Variants in FBXL18 observed in about 807,000 individuals in gnomAD.
FBXL18 encodes the protein F-box and leucine rich repeat protein 18.
Under a neutral mutation model 46.0 loss-of-function variants are expected in FBXL18, and 36 were observed. The ratio of observed to expected loss-of-function variants is 0.78; its 90% CI spans 0.60 to 1.03. The LOEUF (loss-of-function observed/expected upper bound fraction) is 1.03. Ranked by LOEUF, FBXL18 falls within the 50% of genes least tolerant of loss-of-function variation. FBXL18 has a pLI of 0.00. For missense variants in FBXL18, 977 were observed against 1,004.1 expected (o/e 0.97, Z 0.36); for synonymous variants, 557 against 465.3 (o/e 1.20, Z -2.54).
At chr7:5,475,705 C>G (rs996430726), downstream of FBXL18, 1 of 152,332 alleles carries the variant, frequency 6.6e-6, no homozygotes, top group African/African-American at 2.4e-5. The surrounding 1 kb of genome is among the most constrained non-coding windows in gnomAD (Gnocchi z 4.2). Flanking sequence ...CCCCAACCAT[C>G]GGAAGTGAAC....
Position 5,505,595 on chromosome 7 carries a change from T to C in FBXL18, c.54A>G (p.Ala18=). Residue 18 remains alanine (A), a synonymous_variant, in exon 2 of 5, where the codon GCA becomes GCG. Coordinates refer to ENST00000382368, the MANE Select transcript of FBXL18 (RefSeq NM_024963.6). Reference sequence around the variant, plus strand: ...GGACCCCGTCTGCCATCCCGGCTGCTGCAGGGTGCATGTCATCATCATCAT... The same window carrying C: ...GGACCCCGTCTGCCATCCCGGCTGCCGCAGGGTGCATGTCATCATCATCAT... The part of the protein sequence containing the change: ...ISNDDDDMHP[A]AAGMADGVHL... The C allele has an allele frequency of 6.2e-7, 1 of 1,614,008 alleles. No individual in the cohort carries two copies.
At chr7:5,511,126 A>T (rs1370370684) in intron 1 of FBXL18, among the ~76,000 whole-genome samples, 1 of 152,166 alleles carries the variant, frequency 6.6e-6, no homozygotes, top group East Asian at 1.9e-4. Context: ...TTTTTTCAAA[A>T]GTGAAGCAAA....
At chr7:5,502,875 C>G (rs1055862847) in intron 2 of FBXL18, among the ~76,000 whole-genome samples, 1 of 150,264 alleles carries the variant, frequency 6.7e-6, no homozygotes, top group African/African-American at 2.4e-5. Flanking sequence ...CCTCAAAAAG[C>G]TAAACATAGG....
chr7:5,499,219 G>T lies in FBXL18; in HGVS notation c.1781+1269C>A, dbSNP rs578081852. 4.0e-4 allele frequency among the ~76,000 whole-genome samples: 61 copies of T among 152,264 alleles called. No individual in the cohort carries two copies. In the Middle Eastern group the frequency reaches 0.014, roughly 34 times the overall value. On this transcript the variant is annotated intron_variant, in intron 3 of 4. Transcript: ENST00000382368. ...CTGTGCCCTGAAGTCCATCTGGGAT[G>T]CCCAGGGAGGCTGCTCCCTCTCCCG...
At chr7:5,486,813 G>A (rs1226796758) in intron 4 of FBXL18, among the ~76,000 whole-genome samples, 1 of 152,188 alleles carries the variant, frequency 6.6e-6, no homozygotes, top group African/African-American at 2.4e-5. Context: ...GACACCGGCC[G>A]GCCCTGCAGG....
At chr7:5,504,297 G>A (rs1279618038) in intron 2 of FBXL18, among the ~76,000 whole-genome samples, 3 of 151,662 alleles carry the variant, frequency 2.0e-5, no homozygotes, top group Non-Finnish European at 4.4e-5. Flanking sequence ...GGGCATGGTG[G>A]TGGGCACCTG....
chr7:5,510,931 A>C (rs1195437502), intron 1 of FBXL18, among the ~76,000 whole-genome samples: 1 of 152,162 alleles, frequency 6.6e-6, no homozygotes, highest in African/African-American at 2.4e-5. Flanking sequence ...CACCGGCTAT[A>C]ATGACAACTT....
rs1405085087 is a variant in FBXL18 at position 5,455,283 on chromosome 7, G to A, written c.2001-7440C>T. 2.6e-5 allele frequency among the ~76,000 whole-genome samples: 4 copies of A among 151,986 alleles called. No individual in the cohort carries two copies. The highest frequency in any genetic ancestry group is 4.2e-4 in the South Asian group (2 of 4,814). Reference sequence around the variant, plus strand: ...CTGGGGAGCAGTATCGGGAGCACCTGCAGGGAGTATTCTCGGGCATATGCT... The same window carrying A: ...CTGGGGAGCAGTATCGGGAGCACCTACAGGGAGTATTCTCGGGCATATGCT... On this transcript the variant is annotated intron_variant and NMD_transcript_variant, in intron 4 of 6. Transcript: ENST00000415009. This position sits in a 1 kb window ranked among gnomAD's most constrained non-coding sequence, Gnocchi z 4.6.
downstream of FBXL18, among the ~76,000 whole-genome samples, chr7:5,472,710 A>C (rs1783446600): frequency 6.6e-6 from 1 of 151,958 alleles, no homozygotes; most frequent in Non-Finnish European, 1.5e-5. Flanking sequence ...CTTCCAGGAG[A>C]CTTCAGTCCC....
At chr7:5,494,090 T>C (rs1039431262) in intron 3 of FBXL18, among the ~76,000 whole-genome samples, 34 of 151,812 alleles carry the variant, frequency 2.2e-4, no homozygotes, top group African/African-American at 8.2e-4. Context: ...CTGACCAACA[T>C]GGAAAAACCC....
At position 5,480,119 on chromosome 7, in the gene FBXL18, T is replaced by C. The variant is rs1016253917; in HGVS notation, c.*1656A>G. Reference sequence around the variant, plus strand: ...CCCCACTCAGGGGCAGGGCCGGTGATTGGAGGCCTGGGGATGGTGTACCCC... The same window carrying C: ...CCCCACTCAGGGGCAGGGCCGGTGACTGGAGGCCTGGGGATGGTGTACCCC... On this transcript the variant is annotated 3_prime_UTR_variant, in exon 5 of 5. Transcript: ENST00000382368. 9.9e-5 allele frequency among the ~76,000 whole-genome samples: 15 copies of C among 151,998 alleles called. No homozygotes were observed. The highest frequency in any genetic ancestry group is 2.2e-4 in the African/African-American group (9 of 41,390).
At chr7:5,461,121 C>T (rs528085986) in intron 4 of FBXL18, among the ~76,000 whole-genome samples, 20 of 152,216 alleles carry the variant, frequency 1.3e-4, no homozygotes, top group African/African-American at 3.9e-4. Flanking sequence ...CCTGCACTCT[C>T]GGGGTGGCAG....
chr7:5,506,353 G>A (rs968005086), intron 1 of FBXL18, among the ~76,000 whole-genome samples: 1 of 151,276 alleles, frequency 6.6e-6, no homozygotes, highest in Non-Finnish European at 1.5e-5. Context: ...GGTTGAAGCA[G>A]TTCTCCTGGC....
At chr7:5,490,920 C>A (rs1783904886) in intron 4 of FBXL18, among the ~76,000 whole-genome samples, 2 of 152,214 alleles carry the variant, frequency 1.3e-5, no homozygotes, top group African/African-American at 4.8e-5. Flanking sequence ...GATTTCGCCA[C>A]TACACTCCAG....
At chr7:5,494,719 A>G (rs1784027227) in intron 3 of FBXL18, among the ~76,000 whole-genome samples, 1 of 152,196 alleles carries the variant, frequency 6.6e-6, no homozygotes, top group Non-Finnish European at 1.5e-5. Flanking sequence ...TCTCCAAAGC[A>G]AAAGCAGGAG....
chr7:5,472,668 A>T (rs1783446049), downstream of FBXL18, among the ~76,000 whole-genome samples: 1 of 152,164 alleles, frequency 6.6e-6, no homozygotes, highest in Non-Finnish European at 1.5e-5. Context: ...GGTCAACACC[A>T]GCATTGACCA....
intron 4 of FBXL18, among the ~76,000 whole-genome samples, chr7:5,488,076 A>G (rs1434571514): frequency 6.6e-6 from 1 of 152,236 alleles, no homozygotes; most frequent in Non-Finnish European, 1.5e-5. Flanking sequence ...AACACCAAAG[A>G]GCTGTGGAGC....
At chr7:5,499,737 A>G (rs945018481) in intron 3 of FBXL18, among the ~76,000 whole-genome samples, 87 of 149,896 alleles carry the variant, frequency 5.8e-4, no homozygotes, top group African/African-American at 2.0e-3. Flanking sequence ...GTCTCAAAAA[A>G]AAAAAAAGAA....
intron 4 of FBXL18, among the ~76,000 whole-genome samples, chr7:5,490,592 C>T (rs765595695): frequency 3.9e-5 from 6 of 152,170 alleles, no homozygotes; most frequent in East Asian, 1.9e-4. Context: ...TTCAATCTAC[C>T]GCCTTTACCC....
Sources: gnomAD v4.1 joint callset for allele counts (sites outside exome capture counted in the v4.1 genomes callset) on GRCh38, gnomAD v4.1.1 for gene constraint, Gnocchi (gnomAD v3.1) non-coding constraint, MANE v1.5 for transcripts, NCBI Gene and HGNC (gene_info 2026-07-23, HGNC 2026-07-21) for gene names.